ALDH2: variants seen among roughly 807,000 people sequenced by gnomAD.
ALDH2 encodes aldehyde dehydrogenase 2 family member, also known as aldehyde dehydrogenase, mitochondrial.
ALDH2 carries 44 observed loss-of-function variants against 59.6 expected under a neutral mutation model. The ratio of observed to expected loss-of-function variants is 0.74; its 90% CI spans 0.58 to 0.95. ALDH2 has a LOEUF of 0.95. Among genes scored for constraint, ALDH2 ranks in the 40% least tolerant of loss-of-function variants. The probability of loss-of-function intolerance (pLI) is 0.00; values close to 1 mark genes in which losing one functional copy is unlikely to be tolerated. For synonymous variants in ALDH2, 291 were observed against 284.0 expected, an observed-to-expected ratio of 1.02 and a Z score of -0.25; for missense variants, 570 against 696.3, an observed-to-expected ratio of 0.82 and a Z score of 2.04.
chr12:111,794,293 C>T (rs1031425250), intron 9 of ALDH2, among the ~76,000 whole-genome samples: 2 of 152,148 alleles, frequency 1.3e-5, no homozygotes, highest in African/African-American at 2.4e-5. Flanking sequence ...GCTGGGATTA[C>T]AGGCGTGAGC....
chr12:111,795,193 T>C (rs1025386002), intron 9 of ALDH2, among the ~76,000 whole-genome samples: 4 of 152,242 alleles, frequency 2.6e-5, no homozygotes, highest in Non-Finnish European at 2.9e-5. Context: ...ATTGTGTGAA[T>C]AGACCACATT....
intron 4 of ALDH2, among the ~76,000 whole-genome samples, chr12:111,785,863 T>C (rs541340649): frequency 6.6e-6 from 1 of 152,372 alleles, no homozygotes; most frequent in Non-Finnish European, 1.5e-5. Flanking sequence ...ATGCTTTCTT[T>C]TGTTCTTGAG....
intron 8 of ALDH2, 98 bp downstream of exon 8, chr12:111,792,261 C>T (rs1362311191): frequency 2.9e-5 from 28 of 969,686 alleles, no homozygotes; most frequent in South Asian, 4.5e-5. Context: ...TGCCCAATGG[C>T]GTTGGTTGCT....
intron 9 of ALDH2, among the ~76,000 whole-genome samples, chr12:111,793,344 C>G (rs2068377547): frequency 6.6e-6 from 1 of 152,054 alleles, no homozygotes; most frequent in African/African-American, 2.4e-5. Context: ...TTTGGCCTCT[C>G]AAAGTGCTGG....
At position 111,812,669 on chromosome 12, in the gene ALDH2, G is replaced by C. The variant is rs556339513; in HGVS notation, c.*3094G>C. 1 of 152,264 alleles carries C rather than the reference G, an allele frequency of 6.6e-6. No homozygotes were observed. The highest frequency in any genetic ancestry group is 6.5e-5 in the Admixed American group (1 of 15,274). The allele number at this position is 152,264 out of a possible 1,614,324, so 9.4% of individuals were successfully genotyped here. A position where few individuals can be genotyped will look rare whatever the true frequency, so the allele number is the denominator to read the frequency against. On this transcript the variant is annotated 3_prime_UTR_variant, in exon 13 of 13. Transcript: ENST00000261733. ...AGGTGGGTGATTTGCTTCAGCCCAC[G>C]AGTTCAAGATCAGCCTGGCCAATAT...
At chr12:111,768,759 C>T (rs1465405624) in intron 1 of ALDH2, among the ~76,000 whole-genome samples, 1 of 144,424 alleles carries the variant, frequency 6.9e-6, no homozygotes, top group East Asian at 2.0e-4. Context: ...TGGGATGATC[C>T]CTTGAGCCTA....
At chr12:111,777,278 G>A (rs187572349) in intron 1 of ALDH2, among the ~76,000 whole-genome samples, 1 of 152,262 alleles carries the variant, frequency 6.6e-6, no homozygotes, top group East Asian at 1.9e-4. Context: ...GGTTTAAATG[G>A]GAACAATCCA....
chr12:111,804,777 A>G (rs796835292), intron 12 of ALDH2, among the ~76,000 whole-genome samples: 5 of 152,116 alleles, frequency 3.3e-5, no homozygotes, highest in African/African-American at 1.2e-4. Flanking sequence ...AGAAAAAAGA[A>G]TTAGCTATTA....
intron 6 of ALDH2, 101 bp from the exon 7 acceptor site, chr12:111,791,205 C>T: frequency 1.2e-6 from 1 of 849,664 alleles, no homozygotes; most frequent in Non-Finnish European, 1.9e-6. Context: ...GTGTCCTTGG[C>T]AGACTGTCCC....
intron 4 of ALDH2, among the ~76,000 whole-genome samples, chr12:111,788,166 C>T (rs904350566): frequency 1.3e-5 from 2 of 152,004 alleles, no homozygotes; most frequent in South Asian, 2.1e-4. Flanking sequence ...GCTGAGATCG[C>T]GCCACTGCAC....
chr12:111,766,998 GC>G lies in ALDH2; in HGVS notation c.19del (p.Arg7AlafsTer35). 4 of 1,521,794 alleles carry G rather than the reference GC, an allele frequency of 2.6e-6. No individual in the cohort carries two copies. The highest frequency in any genetic ancestry group is 3.5e-6 in the Non-Finnish European group (4 of 1,141,220). The allele number at this position is 1,521,794 out of a possible 1,614,324, so 94.3% of individuals were successfully genotyped here. On this transcript the variant is annotated frameshift_variant, in exon 1 of 13. Coordinates refer to ENST00000261733, the MANE Select transcript of ALDH2 (RefSeq NM_000690.4). LOFTEE classifies it high-confidence loss of function. MLRAA[A>X]RFGPRLGRRL... ...GCCCGCTGCGATGTTGCGCGCTGCCGCCCGCTTCGGGCCCCGCCTGGGCCGC... is the reference window on the plus strand; with the variant it reads ...GCCCGCTGCGATGTTGCGCGCTGCCGCCGCTTCGGGCCCCGCCTGGGCCGC...
intron 12 of ALDH2, among the ~76,000 whole-genome samples, chr12:111,804,746 CAAA>C (rs76471972): frequency 9.7e-5 from 6 of 61,586 alleles, no homozygotes; most frequent in Admixed American, 1.9e-4. Context: ...GACTCCGTCT[CAAA>C]AAAAAAAAAA....
At chr12:111,773,962 A>T (rs1050562822) in intron 1 of ALDH2, among the ~76,000 whole-genome samples, 1 of 152,202 alleles carries the variant, frequency 6.6e-6, no homozygotes, top group East Asian at 1.9e-4. Context: ...AAAGGACCTT[A>T]TTGCAAAGTA....
rs2068544237 is a variant in ALDH2, at chr12:111,812,701, AC to A, written c.*3130del. On this transcript the variant is annotated 3_prime_UTR_variant, in exon 13 of 13. Transcript: ENST00000261733. ...AGATCAGCCTGGCCAATATGGTGAA[AC>A]CCCATCTCTACAAAAAAATACAAAA... is the stretch of plus-strand genomic sequence containing the variant. 6.6e-6 allele frequency: 1 copy of A among 152,098 alleles called. No homozygotes were observed. The highest frequency in any genetic ancestry group is 1.5e-5 in the Non-Finnish European group (1 of 68,040). 9.4% of individuals were successfully genotyped at this position (152,098 alleles called of 1,614,324 possible).
rs148448691 is a variant in ALDH2, at chr12:111,781,602, A to G, written c.115-316A>G. Among the ~76,000 whole-genome samples the G allele has an allele frequency of 4.6e-3, 707 of 152,310 alleles. 7 individuals are homozygous for G. Among genetic ancestry groups the G allele is most frequent in the African/African-American group, 0.016 (647 of 41,576 alleles). ...ACCAGGGGACTCTACTGTGGGAGAT[A>G]AGAAATCATTTTAAGCCACCAAGTT... On this transcript the variant is annotated intron_variant, in intron 1 of 12. Coordinates refer to ENST00000261733, the MANE Select transcript of ALDH2 (RefSeq NM_000690.4).
intron 12 of ALDH2, among the ~76,000 whole-genome samples, chr12:111,805,456 C>G (rs2068486814): frequency 6.6e-6 from 1 of 152,092 alleles, no homozygotes; most frequent in Non-Finnish European, 1.5e-5. Flanking sequence ...TCCCGAGTAG[C>G]TGGGACTACA....
rs1250054059 is a variant in ALDH2 at position 111,814,952 on chromosome 12, A to G, written c.*5377A>G. The G allele has an allele frequency of 6.6e-6, 1 of 152,164 alleles. No individual in the cohort carries two copies. Among genetic ancestry groups the G allele is most frequent in the Non-Finnish European group, 1.5e-5 (1 of 68,056 alleles). 9.4% of individuals were successfully genotyped at this position (152,164 alleles called of 1,614,324 possible). A position where few individuals can be genotyped will look rare whatever the true frequency, so the allele number is the denominator to read the frequency against. On this transcript the variant is annotated 3_prime_UTR_variant, in exon 13 of 13. Coordinates refer to ENST00000261733, the MANE Select transcript of ALDH2 (RefSeq NM_000690.4). Reference sequence around the variant, plus strand: ...CAAACCACACAACTTCTGAGCTTCCATTTCCTCACAATCTCTGCAGTCACT... The same window carrying G: ...CAAACCACACAACTTCTGAGCTTCCGTTTCCTCACAATCTCTGCAGTCACT...
Position 111,781,832 on chromosome 12 carries a change from T to C in ALDH2, c.115-86T>C, listed in dbSNP as rs561689045. ...TCTGAAATTAATTCATATTTGCTTTTTCTTGTTTTTTTTTTTCCTTACAAT... is the reference window on the plus strand; with the variant it reads ...TCTGAAATTAATTCATATTTGCTTTCTCTTGTTTTTTTTTTTCCTTACAAT... On this transcript the variant is annotated intron_variant, in intron 1 of 12. Coordinates refer to ENST00000261733, the MANE Select transcript of ALDH2 (RefSeq NM_000690.4). 6.6e-4 allele frequency: 682 copies of C among 1,039,100 alleles called. 1 individual carries two copies. Among genetic ancestry groups the C allele is most frequent in the Non-Finnish European group, 8.5e-4 (589 of 693,408 alleles). The allele number at this position is 1,039,100 out of a possible 1,614,324, so 64.4% of individuals were successfully genotyped here. A position where few individuals can be genotyped will look rare whatever the true frequency, so the allele number is the denominator to read the frequency against.
intron 5 of ALDH2, 146 bp downstream of exon 5, chr12:111,790,080 A>G (rs1378150836): frequency 1.4e-6 from 1 of 720,810 alleles, no homozygotes; most frequent in African/African-American, 1.8e-5. Context: ...ATCCGGTTTG[A>G]GTCTCAGCAC....
Sources: allele counts gnomAD v4.1 joint callset (sites outside exome capture counted in the v4.1 genomes callset), GRCh38; gene constraint gnomAD v4.1.1; transcripts MANE v1.5; gene names NCBI Gene and HGNC (gene_info 2026-07-23, HGNC 2026-07-21).